The following CNTNAP2 variants were observed in gnomAD, a reference collection of about 807,000 sequenced individuals.
CNTNAP2 encodes the protein contactin-associated protein-like 2.
Under a neutral mutation model 155.2 loss-of-function variants are expected in CNTNAP2, and 98 were observed. That is an observed-to-expected ratio of 0.63 (90% CI 0.54 to 0.75). The LOEUF (loss-of-function observed/expected upper bound fraction) is 0.75, where lower values mean the gene tolerates loss of function less well. Ranked by LOEUF, CNTNAP2 falls within the 30% of genes least tolerant of loss-of-function variation. The pLI is 0.00. For missense variants in CNTNAP2, 1,727 were observed against 1,688.1 expected (o/e 1.02, Z -0.40); for synonymous variants, 651 against 631.2 (o/e 1.03, Z -0.47).
At chr7:146,462,998 C>A (rs1050257507) in intron 1 of CNTNAP2, among the ~76,000 whole-genome samples, 10 of 152,194 alleles carry the variant, frequency 6.6e-5, no homozygotes, top group African/African-American at 2.4e-4. Context: ...TTAACCTTCC[C>A]CCTTGCAGGT....
intron 8 of CNTNAP2, chr7:147,161,493 C>T (rs1017848919): frequency 5.3e-5 from 8 of 152,106 alleles, no homozygotes; most frequent in African/African-American, 1.9e-4. Flanking sequence ...AACTCAATAC[C>T]AATATGCTGA....
At chr7:148,219,329 G>A (rs1291670001) in intron 19 of CNTNAP2, among the ~76,000 whole-genome samples, 1 of 152,072 alleles carries the variant, frequency 6.6e-6, no homozygotes, top group Non-Finnish European at 1.5e-5. Flanking sequence ...CGAAAATATG[G>A]AGACTCTCTC....
At chr7:147,869,785 G>A (rs1011851171) in intron 13 of CNTNAP2, among the ~76,000 whole-genome samples, 3 of 152,130 alleles carry the variant, frequency 2.0e-5, no homozygotes, top group Admixed American at 6.5e-5. Context: ...CAGATAATAA[G>A]TTTGTGCCAA....
chr7:147,346,478 A>T (rs944556814), intron 9 of CNTNAP2, among the ~76,000 whole-genome samples: 19 of 152,224 alleles, frequency 1.2e-4, no homozygotes, highest in Non-Finnish European at 2.5e-4. Context: ...TTAAAGCATT[A>T]AAGTTTATTC....
chr7:147,973,202 A>G (rs1742208411), intron 14 of CNTNAP2, among the ~76,000 whole-genome samples: 1 of 147,828 alleles, frequency 6.8e-6, no homozygotes, highest in Admixed American at 6.9e-5. Flanking sequence ...CTGTAGGATC[A>G]CAAAAACTTT....
At chr7:147,395,381 G>A (rs1796796726) in intron 9 of CNTNAP2, among the ~76,000 whole-genome samples, 1 of 151,962 alleles carries the variant, frequency 6.6e-6, no homozygotes, top group African/African-American at 2.4e-5. Flanking sequence ...AGACCCCAGA[G>A]GCAAACATTT....
chr7:147,162,819 A>G (rs1802051519), intron 8 of CNTNAP2, among the ~76,000 whole-genome samples: 2 of 152,282 alleles, frequency 1.3e-5, no homozygotes, highest in African/African-American at 4.8e-5. Context: ...CTCTTACTTA[A>G]GTATATATAT....
chr7:146,298,477 A>G (rs975643320), intron 1 of CNTNAP2, among the ~76,000 whole-genome samples: 2 of 152,182 alleles, frequency 1.3e-5, no homozygotes, highest in Admixed American at 6.5e-5. Flanking sequence ...TTTGACATCT[A>G]TAATCTGTAA....
intron 18 of CNTNAP2, among the ~76,000 whole-genome samples, chr7:148,187,857 C>A (rs766801455): frequency 6.6e-6 from 1 of 152,156 alleles, no homozygotes; most frequent in Non-Finnish European, 1.5e-5. Context: ...AGCTTGCAAG[C>A]ATACAAGAGT....
intron 1 of CNTNAP2, among the ~76,000 whole-genome samples, chr7:146,203,350 T>C (rs1294466540): frequency 6.6e-6 from 1 of 152,160 alleles, no homozygotes; most frequent in Non-Finnish European, 1.5e-5. Flanking sequence ...AACCCTTCCT[T>C]TGGGTTCAGT....
In CNTNAP2 at chr7:146,996,692, C is replaced by T. The variant is rs866242802; in HGVS notation, c.403-47215C>T. On this transcript the variant is annotated intron_variant, in intron 3 of 23. Coordinates refer to ENST00000361727, the MANE Select transcript of CNTNAP2 (RefSeq NM_014141.6). Reference sequence around the variant, plus strand: ...TAACTTTTTTTTTCCAATTTGAATTCCTTATATTACTTCCTTTTGCCTAAT... The same window carrying T: ...TAACTTTTTTTTTCCAATTTGAATTTCTTATATTACTTCCTTTTGCCTAAT... 2.0e-5 allele frequency among the ~76,000 whole-genome samples: 3 copies of T among 151,896 alleles called. No homozygotes were observed. The South Asian group carries it at 6.2e-4, about 31-fold the overall frequency.
intron 9 of CNTNAP2, among the ~76,000 whole-genome samples, chr7:147,391,979 T>C (rs756514649): frequency 3.9e-5 from 6 of 152,148 alleles, no homozygotes; most frequent in Admixed American, 2.6e-4. Context: ...CATTTTCTTT[T>C]TCTTTTACTA....
intron 1 of CNTNAP2, among the ~76,000 whole-genome samples, chr7:146,471,662 A>C (rs1379916628): frequency 6.6e-6 from 1 of 152,248 alleles, no homozygotes; most frequent in African/African-American, 2.4e-5. Flanking sequence ...AATCTCAATA[A>C]GATAAATGGC....
At chr7:148,311,977 G>A (rs1797603007) in intron 21 of CNTNAP2, among the ~76,000 whole-genome samples, 1 of 152,192 alleles carries the variant, frequency 6.6e-6, no homozygotes, top group Admixed American at 6.5e-5. Flanking sequence ...ATTCAACAAA[G>A]AGTGAGTACA....
intron 8 of CNTNAP2, among the ~76,000 whole-genome samples, chr7:147,186,939 T>C (rs1174199616): frequency 1.0e-5 from 1 of 95,820 alleles, no homozygotes; most frequent in African/African-American, 2.7e-5. Flanking sequence ...CTTGTTAAAC[T>C]GAAGGTTGCT....
intron 13 of CNTNAP2, among the ~76,000 whole-genome samples, chr7:147,647,143 A>G (rs1222770330): frequency 6.6e-6 from 1 of 151,544 alleles, no homozygotes; most frequent in Non-Finnish European, 1.5e-5. Context: ...GCATGCTGCC[A>G]CGCCCAGCTA....
intron 8 of CNTNAP2, among the ~76,000 whole-genome samples, chr7:147,285,394 A>G (rs1805154215): frequency 6.6e-6 from 1 of 151,956 alleles, no homozygotes; most frequent in Non-Finnish European, 1.5e-5. Flanking sequence ...ATTATTATGG[A>G]ACCAAAATTT....
At chr7:146,900,885 G>C (rs968817614) in intron 3 of CNTNAP2, among the ~76,000 whole-genome samples, 1 of 152,024 alleles carries the variant, frequency 6.6e-6, no homozygotes, top group African/African-American at 2.4e-5. Flanking sequence ...CATAATTCCT[G>C]TCCCTAGTGG....
At chr7:146,954,638 T>A (rs1036121487) in intron 3 of CNTNAP2, among the ~76,000 whole-genome samples, 1 of 151,958 alleles carries the variant, frequency 6.6e-6, no homozygotes, top group Non-Finnish European at 1.5e-5. Context: ...ATTGTTTCTA[T>A]ATCTTTTTGT....
Sources: gnomAD v4.1 joint callset for allele counts (sites outside exome capture counted in the v4.1 genomes callset) on GRCh38, gnomAD v4.1.1 for gene constraint, MANE v1.5 for transcripts, NCBI Gene and HGNC (gene_info 2026-07-23, HGNC 2026-07-21) for gene names.